Variants in HBP1 observed in about 807,000 individuals in gnomAD.
The protein encoded by HBP1 is HMG box-containing protein 1.
HBP1 carries 20 observed loss-of-function variants against 62.6 expected under a neutral mutation model. That is an observed-to-expected ratio of 0.32 (90% CI 0.22 to 0.46). The LOEUF (loss-of-function observed/expected upper bound fraction) is 0.46. Ranked by LOEUF, HBP1 falls within the 20% of genes least tolerant of loss-of-function variation. The pLI is 1.00. For synonymous variants in HBP1, 232 were observed against 206.2 expected (o/e 1.12, Z -1.07); for missense variants, 480 against 611.8 (o/e 0.78, Z 2.27).
At chr7:107,169,707 C>T (rs997676821) in intron 1 of HBP1, 2 of 981,970 alleles carry the variant, frequency 2.0e-6, no homozygotes, top group Non-Finnish European at 1.2e-6. Flanking sequence ...GGCCCCGGGG[C>T]TCATTGTTAC....
At chr7:107,174,173 G>A (rs567294217) in intron 1 of HBP1, among the ~76,000 whole-genome samples, 1 of 152,326 alleles carries the variant, frequency 6.6e-6, no homozygotes, top group Non-Finnish European at 1.5e-5. Flanking sequence ...CCGACCGTGA[G>A]TCTGAGATTG....
intron 8 of HBP1, 112 bp downstream of exon 8, chr7:107,190,429 T>G: frequency 1.5e-6 from 1 of 672,348 alleles, no homozygotes; most frequent in Non-Finnish European, 2.5e-6. Flanking sequence ...GATTTGAGAA[T>G]TATAAAAGAA....
At chr7:107,177,446 C>T (rs1244008319) in intron 1 of HBP1, among the ~76,000 whole-genome samples, 1 of 152,174 alleles carries the variant, frequency 6.6e-6, no homozygotes, top group Non-Finnish European at 1.5e-5. Flanking sequence ...ATTAGACATA[C>T]AGTAAGGCAA....
chr7:107,202,325 T>C lies in HBP1; in HGVS notation c.*894T>C, dbSNP rs1339034006. On this transcript the variant is annotated 3_prime_UTR_variant, in exon 11 of 11. Coordinates refer to ENST00000222574, the MANE Select transcript of HBP1 (RefSeq NM_012257.4). ...TCCAACTGTCTAAAATTAGAGCAAATACATTGGCAATACAGCTGCTTTTGC... is the reference window on the plus strand; with the variant it reads ...TCCAACTGTCTAAAATTAGAGCAAACACATTGGCAATACAGCTGCTTTTGC... 1.3e-5 allele frequency: 2 copies of C among 152,624 alleles called. No homozygotes were observed. The highest frequency in any genetic ancestry group is 2.4e-5 in the African/African-American group (1 of 41,450). The allele number at this position is 152,624 out of a possible 1,614,324, so 9.5% of individuals were successfully genotyped here. A position where few individuals can be genotyped will look rare whatever the true frequency, so the allele number is the denominator to read the frequency against.
At position 107,185,897 on chromosome 7, in the gene HBP1, C is replaced by T. The variant is rs1249529281; in HGVS notation, c.495C>T (p.Phe165=). 5.0e-6 allele frequency: 8 copies of T among 1,612,734 alleles called. No individual in the cohort carries two copies. The African/African-American group carries it at 6.7e-5, about 13-fold the overall frequency. The part of the protein sequence containing the change: ...VSSSSKSEPA[F]PHHHWKEETP... ...CTTCTTCGAAGAGTGAACCAGCCTT[C>T]CCTCATCACCATTGGAAGGAGGAAA... is the stretch of plus-strand genomic sequence containing the variant. The change falls in exon 4 of 11, where the codon TTC becomes TTT. Residue 165 remains phenylalanine, a synonymous_variant. Transcript: ENST00000222574.
At chr7:107,198,052 G>T (rs1798013459) in intron 9 of HBP1, among the ~76,000 whole-genome samples, 1 of 152,152 alleles carries the variant, frequency 6.6e-6, no homozygotes, top group African/African-American at 2.4e-5. Flanking sequence ...CAGTAGTTGA[G>T]AATGTCAGCT....
intron 1 of HBP1, among the ~76,000 whole-genome samples, chr7:107,175,032 A>G (rs1170047918): frequency 1.3e-5 from 2 of 152,058 alleles, no homozygotes; most frequent in Non-Finnish European, 2.9e-5. Flanking sequence ...GAAGCTGGAG[A>G]CGGGTGGCTT....
In HBP1 at chr7:107,201,577, A is replaced by G. The variant is rs1179511344; in HGVS notation, c.*146A>G. The G allele has an allele frequency of 6.4e-6, 3 of 468,334 alleles. No individual in the cohort carries two copies. The highest frequency in any genetic ancestry group is 1.2e-5 in the Non-Finnish European group (3 of 254,556). The allele number at this position is 468,334 out of a possible 1,614,324, so 29.0% of individuals were successfully genotyped here. A position where few individuals can be genotyped will look rare whatever the true frequency, so the allele number is the denominator to read the frequency against. ...GCATTGAGTCTTGAAATGATTTAAT[A>G]ATATGAGTGAGGATTTGCTTTCTCC... On this transcript the variant is annotated 3_prime_UTR_variant, in exon 11 of 11. Transcript: ENST00000222574.
chr7:107,193,960 G>C (rs1252765415), intron 8 of HBP1, among the ~76,000 whole-genome samples: 1 of 152,152 alleles, frequency 6.6e-6, no homozygotes, highest in Non-Finnish European at 1.5e-5. Context: ...TGTGGAGTTT[G>C]CCATTAAGAC....
At chr7:107,196,592 T>G (rs1797916654) in intron 9 of HBP1, 1 of 259,448 alleles carries the variant, frequency 3.9e-6, no homozygotes, top group Non-Finnish European at 7.7e-6. Flanking sequence ...GTAAAAAGTT[T>G]AAGTGGAATT....
chr7:107,183,406 T>G (rs1356417784), intron 3 of HBP1, among the ~76,000 whole-genome samples: 1 of 152,204 alleles, frequency 6.6e-6, no homozygotes, highest in African/African-American at 2.4e-5. Context: ...TCACTTTTCT[T>G]GTAACCCATT....
chr7:107,191,393 A>G (rs2115942864), intron 8 of HBP1, among the ~76,000 whole-genome samples: 1 of 152,326 alleles, frequency 6.6e-6, no homozygotes, highest in South Asian at 2.1e-4. Context: ...GATAACTCCT[A>G]TGTTTTGGTG....
intron 3 of HBP1, among the ~76,000 whole-genome samples, chr7:107,185,435 T>A (rs1797306176): frequency 6.6e-6 from 1 of 152,146 alleles, no homozygotes; most frequent in Admixed American, 6.6e-5. Flanking sequence ...ACTGAGTACA[T>A]CAAAGTAGAA....
chr7:107,193,279 G>T (rs1294818351), intron 8 of HBP1: 1 of 152,070 alleles, frequency 6.6e-6, no homozygotes, highest in African/African-American at 2.4e-5. Flanking sequence ...TACCCTATTT[G>T]TAGATTATAT....
chr7:107,185,715 C>T (rs192511451), intron 3 of HBP1, 86 bp from the exon 4 acceptor site: 142 of 988,308 alleles, frequency 1.4e-4, no homozygotes, highest in Admixed American at 1.9e-4. Flanking sequence ...ATAACATTGG[C>T]GTTTTAAATA....
chr7:107,183,943 G>A (rs1191034045), intron 3 of HBP1, among the ~76,000 whole-genome samples: 1 of 152,106 alleles, frequency 6.6e-6, no homozygotes, highest in Non-Finnish European at 1.5e-5. Context: ...AAGGAGTTGA[G>A]GACAGGTAAA....
chr7:107,190,441 T>A, intron 8 of HBP1, 124 bp downstream of exon 8: 1 of 629,886 alleles, frequency 1.6e-6, no homozygotes, highest in Non-Finnish European at 2.7e-6. Flanking sequence ...ATAAAAGAAT[T>A]ATTAAGAGGA....
chr7:107,176,567 G>C (rs1401527543), intron 1 of HBP1, among the ~76,000 whole-genome samples: 1 of 152,042 alleles, frequency 6.6e-6, no homozygotes, highest in Non-Finnish European at 1.5e-5. Flanking sequence ...ACAAAAACTA[G>C]TGCACAAAGC....
Position 107,200,145 on chromosome 7 carries a change from ATATT to A in HBP1, c.1386-9_1386-6del, listed in dbSNP as rs747090353. On this transcript the variant is annotated splice_polypyrimidine_tract_variant and intron_variant, in intron 9 of 10. Coordinates refer to ENST00000222574, the MANE Select transcript of HBP1 (RefSeq NM_012257.4). Reference sequence around the variant, plus strand: ...AATGTGTGCTTTCAGCATTGTGTAAATATTTATTTTACAGAGCCATAAGTGTGAT... The same window carrying A: ...AATGTGTGCTTTCAGCATTGTGTAAATATTTTACAGAGCCATAAGTGTGAT... The A allele has an allele frequency of 3.1e-5, 48 of 1,557,126 alleles. No individual in the cohort carries two copies. Among genetic ancestry groups the A allele is most frequent in the South Asian group, 6.1e-5 (5 of 81,452 alleles).
Sources: gnomAD v4.1 joint callset for allele counts (sites outside exome capture counted in the v4.1 genomes callset) on GRCh38, gnomAD v4.1.1 for gene constraint, MANE v1.5 for transcripts, NCBI Gene and HGNC (gene_info 2026-07-23, HGNC 2026-07-21) for gene names.